SHOC2: variants seen among roughly 807,000 people sequenced by gnomAD.
SHOC2 encodes the protein SHOC2 leucine rich repeat scaffold protein.
A neutral mutation model predicts 50.2 loss-of-function variants in SHOC2; 4 were observed. The ratio of observed to expected loss-of-function variants is 0.08; its 90% CI spans 0.04 to 0.18. The LOEUF (loss-of-function observed/expected upper bound fraction) is 0.18. SHOC2 is among the 10% of genes least tolerant of loss of function. The probability of loss-of-function intolerance (pLI) is 1.00; values close to 1 mark genes in which losing one functional copy is unlikely to be tolerated. For synonymous variants in SHOC2, 218 were observed against 244.5 expected, an observed-to-expected ratio of 0.89 and a Z score of 1.01; for missense variants, 388 against 669.6, an observed-to-expected ratio of 0.58 and a Z score of 4.64.
intron 6 of SHOC2, among the ~76,000 whole-genome samples, chr10:111,008,275 C>T (rs1848506124): frequency 6.7e-6 from 1 of 149,962 alleles, no homozygotes; most frequent in African/African-American, 2.5e-5. Flanking sequence ...AGTTTTCATC[C>T]CTTTGATGAA....
intron 1 of SHOC2, among the ~76,000 whole-genome samples, chr10:110,953,325 G>C (rs1229525496): frequency 6.6e-6 from 1 of 152,124 alleles, no homozygotes; most frequent in African/African-American, 2.4e-5. Context: ...CAGAATCACT[G>C]ATCTTTTTAT....
intron 2 of SHOC2, among the ~76,000 whole-genome samples, chr10:110,979,979 C>A (rs180831079): frequency 1.6e-4 from 25 of 152,266 alleles, no homozygotes; most frequent in Admixed American, 7.8e-4. Flanking sequence ...AAATTAAGAA[C>A]AGAAATTGAA....
At position 110,964,527 on chromosome 10, in the gene SHOC2, T is replaced by G; in HGVS notation, c.169T>G (p.Ser57Ala). ...GKDAKDGKKD[S>A]SAAQPGVAFS... ...AGATGCCAAAGATGGAAAGAAGGAC[T>G]CCAGTGCTGCCCAACCAGGGGTGGC... Residue 57 changes from serine to alanine, a missense_variant, in exon 2 of 9, where the codon TCC becomes GCC. Around this residue, in one of 5 missense-constraint regions of SHOC2, gnomAD observed 121 missense variants for 145.5 expected, o/e 0.83. Transcript: ENST00000369452. This position sits in a 1 kb window ranked among gnomAD's most constrained non-coding sequence, Gnocchi z 4.9. 1.2e-6 allele frequency: 2 copies of G among 1,613,932 alleles called. No homozygotes were observed. The highest frequency in any genetic ancestry group is 1.1e-5 in the South Asian group (1 of 91,080).
intron 2 of SHOC2, among the ~76,000 whole-genome samples, chr10:110,965,815 T>C (rs1300955394): frequency 6.6e-6 from 1 of 152,156 alleles, no homozygotes; most frequent in Non-Finnish European, 1.5e-5. Flanking sequence ...AGTTCTGGCA[T>C]TTTTAATTAT....
intron 3 of SHOC2, among the ~76,000 whole-genome samples, chr10:110,997,012 T>G (rs558863986): frequency 1.0e-3 from 156 of 152,316 alleles, no homozygotes; most frequent in African/African-American, 3.5e-3. Flanking sequence ...CTAAAATGAA[T>G]TTTGGGCATT....
At chr10:110,994,080 G>C (rs1251915728) in intron 3 of SHOC2, among the ~76,000 whole-genome samples, 1 of 151,854 alleles carries the variant, frequency 6.6e-6, no homozygotes, top group South Asian at 2.1e-4. Flanking sequence ...GTGATGTAAA[G>C]GAGAAAAAGG....
intron 1 of SHOC2, among the ~76,000 whole-genome samples, chr10:110,946,852 C>T (rs1847255104): frequency 6.6e-6 from 1 of 152,030 alleles, no homozygotes; most frequent in Admixed American, 6.5e-5. Flanking sequence ...ATTTTTTAAG[C>T]AAGGGAGTGA....
At chr10:110,947,878 C>T (rs1181023504) in intron 1 of SHOC2, among the ~76,000 whole-genome samples, 1 of 151,854 alleles carries the variant, frequency 6.6e-6, no homozygotes, top group Non-Finnish European at 1.5e-5. Flanking sequence ...AAGACTTTAT[C>T]CACAATTACT....
At chr10:110,942,689 T>C (rs141593613) in intron 1 of SHOC2, among the ~76,000 whole-genome samples, 488 of 152,342 alleles carry the variant, frequency 3.2e-3, no homozygotes, top group Non-Finnish European at 5.1e-3. Flanking sequence ...CATGTATATT[T>C]GAATTACTTT....
At chr10:110,977,085 G>A (rs1351564971) in intron 2 of SHOC2, among the ~76,000 whole-genome samples, 1 of 151,984 alleles carries the variant, frequency 6.6e-6, no homozygotes, top group Non-Finnish European at 1.5e-5. Flanking sequence ...ACATTCCATT[G>A]GGTGTCATTT....
At chr10:110,930,363 A>G (rs1242883316) in intron 1 of SHOC2, among the ~76,000 whole-genome samples, 1 of 152,136 alleles carries the variant, frequency 6.6e-6, no homozygotes, top group African/African-American at 2.4e-5. Context: ...TTTTTCTGAC[A>G]GTTTCCGATA....
rs763273243 is a variant in SHOC2 at position 110,964,645 on chromosome 10, A to G, written c.287A>G (p.Lys96Arg). 4 of 1,614,010 alleles carry G rather than the reference A, an allele frequency of 2.5e-6. No individual in the cohort carries two copies. The highest frequency in any genetic ancestry group is 3.4e-6 in the Non-Finnish European group (4 of 1,179,982). The change falls in exon 2 of 9, where the codon AAA becomes AGA. Residue 96 changes from lysine to arginine, a missense_variant. Physicochemically the swap from Lys to Arg is conservative, Grantham distance 26 (BLOSUM62 2). Around this residue, in one of 5 missense-constraint regions of SHOC2, gnomAD observed 121 missense variants for 145.5 expected, o/e 0.83. Coordinates refer to ENST00000369452, the MANE Select transcript of SHOC2 (RefSeq NM_007373.4). The surrounding 1 kb of genome is among the most constrained non-coding windows in gnomAD (Gnocchi z 4.9). Reference sequence around the variant, plus strand: ...GCAGAGGTGATTAAAGAGCTCAACAAATGCCGGGAAGAGAATTCAATGCGT... The same window carrying G: ...GCAGAGGTGATTAAAGAGCTCAACAGATGCCGGGAAGAGAATTCAATGCGT... ...SNAEVIKELN[K>R]CREENSMRLD... is the part of the protein sequence containing the mutation.
At chr10:110,966,534 C>T (rs1411358603) in intron 2 of SHOC2, among the ~76,000 whole-genome samples, 9 of 152,068 alleles carry the variant, frequency 5.9e-5, no homozygotes, top group Non-Finnish European at 8.8e-5. Context: ...GTATGTGTTA[C>T]ACTCAGTCCT....
At chr10:110,925,417 CAG>C (rs995338660) in intron 1 of SHOC2, among the ~76,000 whole-genome samples, 13 of 152,076 alleles carry the variant, frequency 8.5e-5, no homozygotes, top group African/African-American at 2.9e-4. Context: ...GTTTTTAAGA[CAG>C]GGTCTCTTTT....
At chr10:110,928,168 T>G (rs542926026) in intron 1 of SHOC2, among the ~76,000 whole-genome samples, 1 of 151,812 alleles carries the variant, frequency 6.6e-6, no homozygotes, top group South Asian at 2.1e-4. Context: ...AAAACAAAAA[T>G]TAGCTGGGTG....
intron 1 of SHOC2, among the ~76,000 whole-genome samples, chr10:110,933,413 T>G (rs1846933605): frequency 6.6e-6 from 1 of 152,164 alleles, no homozygotes; most frequent in African/African-American, 2.4e-5. Flanking sequence ...CAGTAAATAC[T>G]TATGTTTGTA....
chr10:110,924,914 AC>A (rs1404646714), intron 1 of SHOC2, among the ~76,000 whole-genome samples: 1 of 151,862 alleles, frequency 6.6e-6, no homozygotes, highest in East Asian at 1.9e-4. Context: ...TACTAAAAAT[AC>A]AAAAAATTAG....
intron 6 of SHOC2, among the ~76,000 whole-genome samples, chr10:111,008,913 T>C (rs888344409): frequency 1.3e-5 from 2 of 152,132 alleles, no homozygotes; most frequent in African/African-American, 4.8e-5. Context: ...GCTTTTACCT[T>C]CCTTAAGTAA....
intron 4 of SHOC2, among the ~76,000 whole-genome samples, chr10:111,003,210 C>T (rs1241285906): frequency 6.6e-6 from 1 of 152,172 alleles, no homozygotes; most frequent in Non-Finnish European, 1.5e-5. Flanking sequence ...ATACTGTCAC[C>T]TCAAGTACTA....
Sources: allele counts gnomAD v4.1 joint callset (sites outside exome capture counted in the v4.1 genomes callset), GRCh38; gene constraint gnomAD v4.1.1; regional missense constraint gnomAD v4.1.1; non-coding constraint Gnocchi (gnomAD v3.1); transcripts MANE v1.5; gene names NCBI Gene and HGNC (gene_info 2026-07-23, HGNC 2026-07-21).